The following CNTNAP2 variants were observed in gnomAD, a reference collection of about 807,000 sequenced individuals.
The protein encoded by CNTNAP2 is contactin-associated protein-like 2.
CNTNAP2 carries 98 observed loss-of-function variants against 155.2 expected under a neutral mutation model. The observed-to-expected ratio is 0.63, with a 90% confidence interval of 0.54 to 0.75. The LOEUF is 0.75. Ranked by LOEUF, CNTNAP2 falls within the 30% of genes least tolerant of loss-of-function variation. The pLI, the probability that CNTNAP2 is intolerant of heterozygous loss-of-function variation, is 0.00. For synonymous variants in CNTNAP2, 651 were observed against 631.2 expected (o/e 1.03, Z -0.47); for missense variants, 1,727 against 1,688.1 (o/e 1.02, Z -0.40).
At chr7:148,020,669 T>G (rs1802264207) in intron 15 of CNTNAP2, among the ~76,000 whole-genome samples, 1 of 152,262 alleles carries the variant, frequency 6.6e-6, no homozygotes, top group Non-Finnish European at 1.5e-5. Flanking sequence ...TATTTTTTCC[T>G]GCAATATATT....
chr7:147,657,278 T>C (rs1297458419), intron 13 of CNTNAP2, among the ~76,000 whole-genome samples: 4 of 152,044 alleles, frequency 2.6e-5, no homozygotes, highest in Non-Finnish European at 5.9e-5. Flanking sequence ...TAACTACAAG[T>C]GAATCCAAGA....
chr7:147,829,090 C>G (rs1485546349), intron 13 of CNTNAP2, among the ~76,000 whole-genome samples: 1 of 152,128 alleles, frequency 6.6e-6, no homozygotes, highest in African/African-American at 2.4e-5. Context: ...TTAGTGTGTC[C>G]CAGTGACTGA....
chr7:147,672,175 A>G (rs1346087913), intron 13 of CNTNAP2: 1 of 152,298 alleles, frequency 6.6e-6, no homozygotes, highest in East Asian at 1.9e-4. Context: ...TTCTATAGGA[A>G]AAAATTGTAC....
intron 21 of CNTNAP2, among the ~76,000 whole-genome samples, chr7:148,279,670 C>A (rs924059196): frequency 6.6e-6 from 1 of 152,120 alleles, no homozygotes; most frequent in Non-Finnish European, 1.5e-5. Context: ...AGATAGATGT[C>A]TTGGCTTGAC....
At chr7:147,514,429 T>C (rs1314773058) in intron 11 of CNTNAP2, among the ~76,000 whole-genome samples, 1 of 152,032 alleles carries the variant, frequency 6.6e-6, no homozygotes, top group African/African-American at 2.4e-5. Flanking sequence ...TATTACCATC[T>C]ACTTTAAAAG....
chr7:146,159,304 C>T (rs1399183974), intron 1 of CNTNAP2, among the ~76,000 whole-genome samples: 8 of 152,166 alleles, frequency 5.3e-5, no homozygotes, highest in African/African-American at 1.9e-4. Context: ...TTGTAAAGAC[C>T]ATCAATGCTA....
At chr7:147,095,004 T>C (rs903138461) in intron 4 of CNTNAP2, among the ~76,000 whole-genome samples, 4 of 151,910 alleles carry the variant, frequency 2.6e-5, no homozygotes, top group Admixed American at 6.6e-5. Flanking sequence ...CGCATCTTTC[T>C]GGGGCAACTT....
At chr7:147,310,692 T>C (rs1246428568) in intron 9 of CNTNAP2, among the ~76,000 whole-genome samples, 1 of 152,056 alleles carries the variant, frequency 6.6e-6, no homozygotes, top group East Asian at 1.9e-4. Context: ...GAAAAAGAAA[T>C]CTTTAATGTA....
chr7:147,672,377 A>G (rs1012697698), intron 13 of CNTNAP2: 3 of 152,190 alleles, frequency 2.0e-5, no homozygotes, highest in African/African-American at 7.2e-5. Flanking sequence ...TAGATCCAAT[A>G]TTAGAATATT....
rs12668404 is a variant in CNTNAP2 at position 146,561,278 on chromosome 7, T to G, written c.98-212993T>G. ...TAATATCTAAATTGTACAACCAGAA[T>G]TTACCTGACTGGCCAGCATATATAA... On this transcript the variant is annotated intron_variant, in intron 1 of 23. Transcript: ENST00000361727. Among the ~76,000 whole-genome samples the G allele has an allele frequency of 1.7e-3, 253 of 152,240 alleles. 3 individuals carry two copies. In the East Asian group the frequency reaches 0.04, roughly 24 times the overall value.
chr7:147,757,953 AAAAC>A (rs1006751940), intron 13 of CNTNAP2, among the ~76,000 whole-genome samples: 2 of 152,244 alleles, frequency 1.3e-5, no homozygotes, highest in Non-Finnish European at 2.9e-5. Flanking sequence ...GGCCCACTGA[AAAAC>A]AAACATGCAA....
chr7:147,438,720 G>C (rs1028693111), intron 10 of CNTNAP2, among the ~76,000 whole-genome samples: 1 of 151,700 alleles, frequency 6.6e-6, no homozygotes, highest in African/African-American at 2.4e-5. Flanking sequence ...ATCAAGTCCC[G>C]GGCTTTTTTT....
chr7:146,904,707 G>A (rs1019625216), intron 3 of CNTNAP2, among the ~76,000 whole-genome samples: 5 of 152,204 alleles, frequency 3.3e-5, no homozygotes, highest in South Asian at 2.1e-4. Context: ...TCCTGACCTC[G>A]TGATCCGCCC....
chr7:146,258,573 A>G, intron 1 of CNTNAP2, among the ~76,000 whole-genome samples: 1 of 152,206 alleles, frequency 6.6e-6, no homozygotes, highest in South Asian at 2.1e-4. Flanking sequence ...ATGAAGAAAG[A>G]TGTGTACCCA....
At chr7:148,412,274 A>G (rs984113846) in intron 23 of CNTNAP2, among the ~76,000 whole-genome samples, 2 of 152,208 alleles carry the variant, frequency 1.3e-5, no homozygotes, top group African/African-American at 4.8e-5. Context: ...GAAATAAACA[A>G]TGTAAGTTCT....
chr7:146,770,996 T>C (rs561362632), intron 1 of CNTNAP2, among the ~76,000 whole-genome samples: 1 of 152,190 alleles, frequency 6.6e-6, no homozygotes, highest in South Asian at 2.1e-4. Flanking sequence ...TCCTGCAGAT[T>C]TATAACGTGG....
chr7:147,852,958 G>A (rs766435412), intron 13 of CNTNAP2, among the ~76,000 whole-genome samples: 3 of 152,110 alleles, frequency 2.0e-5, no homozygotes, highest in Non-Finnish European at 4.4e-5. Context: ...AGTAGGACCA[G>A]GGAAACATTA....
At chr7:147,174,340 CAG>C (rs1349052319) in intron 8 of CNTNAP2, among the ~76,000 whole-genome samples, 2 of 152,060 alleles carry the variant, frequency 1.3e-5, no homozygotes, top group African/African-American at 2.4e-5. Context: ...ATTTCTTATC[CAG>C]GTATCCATTC....
intron 21 of CNTNAP2, among the ~76,000 whole-genome samples, chr7:148,342,875 A>G (rs1798259255): frequency 6.6e-6 from 1 of 152,262 alleles, no homozygotes; most frequent in Non-Finnish European, 1.5e-5. Context: ...TGCTTAGAGG[A>G]CACCAGCCAG....
Sources: gnomAD v4.1 joint callset for allele counts (sites outside exome capture counted in the v4.1 genomes callset) on GRCh38, gnomAD v4.1.1 for gene constraint, MANE v1.5 for transcripts, NCBI Gene and HGNC (gene_info 2026-07-23, HGNC 2026-07-21) for gene names.